Variants in GPD2 observed in about 807,000 individuals in gnomAD.
The protein encoded by GPD2 is glycerol-3-phosphate dehydrogenase, mitochondrial.
In GPD2, 54 loss-of-function variants were observed where a neutral mutation model predicts 82.4. The observed-to-expected ratio is 0.66, with a 90% CI of 0.53 to 0.82. The LOEUF (loss-of-function observed/expected upper bound fraction) is 0.82. GPD2 is among the 40% of genes least tolerant of loss of function. The pLI, the probability that GPD2 is intolerant of heterozygous loss-of-function variation, is 0.00. For missense variants in GPD2, 748 were observed against 896.2 expected (o/e 0.83, Z 2.11); for synonymous variants, 288 against 306.1 (o/e 0.94, Z 0.62).
At chr2:156,442,114 G>A (rs1244635234) in intron 1 of GPD2, among the ~76,000 whole-genome samples, 1 of 152,044 alleles carries the variant, frequency 6.6e-6, no homozygotes, top group Non-Finnish European at 1.5e-5. Flanking sequence ...ATATTTGATT[G>A]TGCACATATA....
chr2:156,535,393 G>C (rs1414189557), intron 6 of GPD2, among the ~76,000 whole-genome samples: 14 of 121,370 alleles, frequency 1.2e-4, no homozygotes, highest in Admixed American at 4.4e-4. Context: ...AAGACCTGGG[G>C]GGGGGCGGGG....
intron 1 of GPD2, among the ~76,000 whole-genome samples, chr2:156,451,688 CG>C (rs1403466521): frequency 1.5e-5 from 2 of 134,596 alleles, no homozygotes; most frequent in Non-Finnish European, 3.3e-5. Context: ...GCTGGCAGGG[CG>C]GGGGGCTGAC....
intron 1 of GPD2, among the ~76,000 whole-genome samples, chr2:156,470,898 G>T (rs1324684861): frequency 1.3e-5 from 2 of 152,190 alleles, no homozygotes; most frequent in Non-Finnish European, 2.9e-5. Flanking sequence ...ACATTTTGTT[G>T]TGTAGCAATT....
At chr2:156,562,387 C>T (rs1300145071) in intron 9 of GPD2, among the ~76,000 whole-genome samples, 2 of 152,120 alleles carry the variant, frequency 1.3e-5, no homozygotes, top group African/African-American at 2.4e-5. Flanking sequence ...TAGTGTCACA[C>T]GCTTTGCTTT....
intron 1 of GPD2, among the ~76,000 whole-genome samples, chr2:156,475,314 A>C (rs1240475647): frequency 2.0e-5 from 3 of 152,056 alleles, no homozygotes; most frequent in East Asian, 3.9e-4. Context: ...AATACCTCTG[A>C]CTTCTTATCT....
intron 6 of GPD2, among the ~76,000 whole-genome samples, chr2:156,531,032 A>G (rs1478284103): frequency 6.6e-6 from 1 of 152,182 alleles, no homozygotes; most frequent in Non-Finnish European, 1.5e-5. Flanking sequence ...AACATTATTA[A>G]CACAAACATA....
chr2:156,405,888 T>A, the GPD2 span, among the ~76,000 whole-genome samples: 1 of 152,214 alleles, frequency 6.6e-6, no homozygotes, highest in East Asian at 1.9e-4. Flanking sequence ...GGGTTGTAAG[T>A]TGCATCATAG....
At chr2:156,472,897 TC>T (rs1180638447) in intron 1 of GPD2, among the ~76,000 whole-genome samples, 1 of 152,120 alleles carries the variant, frequency 6.6e-6, no homozygotes, top group Non-Finnish European at 1.5e-5. Flanking sequence ...TTTGGGGAAA[TC>T]CCCCATTTCC....
intron 2 of GPD2, among the ~76,000 whole-genome samples, chr2:156,486,395 T>C (rs968011826): frequency 6.6e-6 from 1 of 152,256 alleles, no homozygotes; most frequent in Admixed American, 6.5e-5. Context: ...TGATTAACGT[T>C]GACAGCTGGT....
chr2:156,438,419 T>C (rs1446723258), intron 1 of GPD2, among the ~76,000 whole-genome samples: 6 of 152,208 alleles, frequency 3.9e-5, no homozygotes, highest in Admixed American at 2.6e-4. Flanking sequence ...AAGAATGTAG[T>C]TAGCTTGAAA....
At chr2:156,483,843 T>C (rs887529891) in intron 2 of GPD2, among the ~76,000 whole-genome samples, 5 of 152,318 alleles carry the variant, frequency 3.3e-5, no homozygotes, top group Admixed American at 2.6e-4. Flanking sequence ...CCTTAACATT[T>C]TCGATCATTT....
chr2:156,554,100 A>C (rs1686869498), intron 8 of GPD2, among the ~76,000 whole-genome samples: 1 of 152,184 alleles, frequency 6.6e-6, no homozygotes, highest in Admixed American at 6.5e-5. Context: ...TTAAGGGTTC[A>C]TTCCCTCATT....
At chr2:156,530,710 T>C (rs2105305267) in intron 6 of GPD2, among the ~76,000 whole-genome samples, 1 of 152,304 alleles carries the variant, frequency 6.6e-6, no homozygotes, top group East Asian at 1.9e-4. Context: ...TGTCTTTAGT[T>C]CTGTTTATAT....
intron 6 of GPD2, among the ~76,000 whole-genome samples, chr2:156,546,177 C>A (rs1394879697): frequency 6.6e-6 from 1 of 152,142 alleles, no homozygotes; most frequent in African/African-American, 2.4e-5. Flanking sequence ...TTCACAGTTC[C>A]CGTCTGGGTC....
intron 16 of GPD2, among the ~76,000 whole-genome samples, chr2:156,582,185 A>T (rs891381382): frequency 6.6e-6 from 1 of 152,090 alleles, no homozygotes; most frequent in African/African-American, 2.4e-5. Context: ...CGCTGCCTGC[A>T]TGTAATTTCA....
At chr2:156,405,399 G>T in the GPD2 span, among the ~76,000 whole-genome samples, 1 of 152,148 alleles carries the variant, frequency 6.6e-6, no homozygotes, top group African/African-American at 2.4e-5. Context: ...CCTGATGGGT[G>T]AAATGCAAAA....
chr2:156,449,149 C>T (rs1356224355), intron 1 of GPD2, among the ~76,000 whole-genome samples: 1 of 152,108 alleles, frequency 6.6e-6, no homozygotes, highest in African/African-American at 2.4e-5. Flanking sequence ...AATTTAATCA[C>T]ATTGGTGAAT....
At chr2:156,488,098 G>T (rs752692268) in intron 2 of GPD2, among the ~76,000 whole-genome samples, 21 of 151,108 alleles carry the variant, frequency 1.4e-4, no homozygotes, top group South Asian at 1.0e-3. Context: ...TTTTTCTTTT[G>T]TGTGGACCCC....
intron 16 of GPD2, among the ~76,000 whole-genome samples, chr2:156,580,967 A>G (rs1192026375): frequency 1.3e-5 from 2 of 152,338 alleles, no homozygotes; most frequent in African/African-American, 4.8e-5. Flanking sequence ...CTTTTCTTCA[A>G]AGAAATGGCC....
Sources: allele counts gnomAD v4.1 joint callset (sites outside exome capture counted in the v4.1 genomes callset), GRCh38; gene constraint gnomAD v4.1.1; transcripts MANE v1.5; gene names NCBI Gene and HGNC (gene_info 2026-07-23, HGNC 2026-07-21).